The following SEL1L3 variants were observed in gnomAD, a reference collection of about 807,000 sequenced individuals.
The protein encoded by SEL1L3 is protein sel-1 homolog 3.
In SEL1L3, 76 loss-of-function variants were observed where a neutral mutation model predicts 142.8. That is an observed-to-expected ratio of 0.53 (90% CI 0.44 to 0.64). The LOEUF (loss-of-function observed/expected upper bound fraction) is 0.64, where lower values mean the gene tolerates loss of function less well. Among genes scored for constraint, SEL1L3 ranks in the 30% least tolerant of loss-of-function variants. SEL1L3 has a pLI of 0.00. For synonymous variants in SEL1L3, 504 were observed against 519.6 expected (o/e 0.97, Z 0.41); for missense variants, 1,262 against 1,381.7 (o/e 0.91, Z 1.37).
At chr4:25,861,721 A>G (rs1319565963) in intron 1 of SEL1L3, 1 of 149,822 alleles carries the variant, frequency 6.7e-6, no homozygotes, top group Admixed American at 6.7e-5. Flanking sequence ...ACAGTAATAT[A>G]TGGCGAGATA....
chr4:25,811,151 A>C (rs1037659678), intron 9 of SEL1L3, among the ~76,000 whole-genome samples: 3 of 152,174 alleles, frequency 2.0e-5, no homozygotes, highest in Non-Finnish European at 4.4e-5. Flanking sequence ...TTGGGTTTAC[A>C]GGTACCTCGT....
At chr4:25,716,563 A>G in the SEL1L3 span, among the ~76,000 whole-genome samples, 2 of 152,214 alleles carry the variant, frequency 1.3e-5, no homozygotes, top group Non-Finnish European at 2.9e-5. Context: ...ATCCATTGAT[A>G]TATTATTTGT....
chr4:25,733,733 G>A, the SEL1L3 span, among the ~76,000 whole-genome samples: 6 of 151,766 alleles, frequency 4.0e-5, no homozygotes, highest in Non-Finnish European at 7.4e-5. Context: ...GACTGGTCTC[G>A]AACTCCTGAC....
At chr4:25,784,607 G>T (rs1353360257) in intron 13 of SEL1L3, among the ~76,000 whole-genome samples, 1 of 152,158 alleles carries the variant, frequency 6.6e-6, no homozygotes, top group Non-Finnish European at 1.5e-5. Flanking sequence ...GGTCATCCTG[G>T]ATGCTTTCCT....
intron 1 of SEL1L3, among the ~76,000 whole-genome samples, chr4:25,859,909 TG>T (rs1174309291): frequency 1.3e-5 from 2 of 152,248 alleles, no homozygotes; most frequent in Non-Finnish European, 2.9e-5. Flanking sequence ...CCTCACATCC[TG>T]GCCAATTGCA....
chr4:25,747,003 A>G (rs2109103082), downstream of SEL1L3, among the ~76,000 whole-genome samples: 1 of 152,294 alleles, frequency 6.6e-6, no homozygotes, highest in South Asian at 2.1e-4. Context: ...TCACTCACCT[A>G]AGATTACTGA....
chr4:25,862,470 A>G (rs1426812354), intron 1 of SEL1L3, among the ~76,000 whole-genome samples: 2 of 152,138 alleles, frequency 1.3e-5, no homozygotes, highest in East Asian at 3.9e-4. Context: ...GCGAGAGAGC[A>G]GCTTGGCAAG....
chr4:25,753,051 A>C (rs948623924), intron 23 of SEL1L3, among the ~76,000 whole-genome samples: 2 of 152,248 alleles, frequency 1.3e-5, no homozygotes, highest in Non-Finnish European at 2.9e-5. Context: ...CCTTTGCCCA[A>C]GGTCACATAG....
chr4:25,786,037 G>A (rs1386276006), intron 13 of SEL1L3, among the ~76,000 whole-genome samples: 3 of 152,130 alleles, frequency 2.0e-5, no homozygotes, highest in Non-Finnish European at 2.9e-5. Flanking sequence ...TTAAATGAGA[G>A]AAATGTGAAG....
At chr4:25,731,022 C>T in the SEL1L3 span, among the ~76,000 whole-genome samples, 1 of 152,172 alleles carries the variant, frequency 6.6e-6, no homozygotes, top group African/African-American at 2.4e-5. Flanking sequence ...CAGAGCGAGA[C>T]TCTGTCTCAA....
In SEL1L3 at chr4:25,777,678, A is replaced by C. The variant is rs895873759; in HGVS notation, c.2586-1318T>G. ...CAGTGAAATTAAGCTAGAAATCATTAACAAGAGGATAACAGAAAATCCACA... is the reference window on the plus strand; with the variant it reads ...CAGTGAAATTAAGCTAGAAATCATTCACAAGAGGATAACAGAAAATCCACA... On this transcript the variant is annotated intron_variant, in intron 16 of 23. Transcript: ENST00000399878. 2.4e-5 allele frequency: 9 copies of C among 375,072 alleles called. No individual in the cohort carries two copies. In the Admixed American group the frequency reaches 3.0e-4, roughly 13 times the overall value. 23.2% of individuals were successfully genotyped at this position (375,072 alleles called of 1,614,324 possible).
At chr4:25,811,973 T>G (rs16877608) in intron 9 of SEL1L3, among the ~76,000 whole-genome samples, 2,076 of 152,338 alleles carry the variant, frequency 0.014, 54 homozygotes, top group African/African-American at 0.047. Flanking sequence ...AGAGCTCATC[T>G]TACTCTGCCT....
chr4:25,833,500 A>G lies in SEL1L3; in HGVS notation c.930T>C (p.Phe310=), dbSNP rs749362459. The G allele has an allele frequency of 3.1e-6, 5 of 1,612,980 alleles. No individual in the cohort carries two copies. In the South Asian group the frequency reaches 5.5e-5, roughly 18 times the overall value. The part of the protein sequence containing the change: ...CKANLCGILY[F]VDSNEMYGTP... Reference sequence around the variant, plus strand: ...TGCCGTACATCTCATTAGAGTCAACAAAGTACAGAATCCCACAGAGGTTGG... The same window carrying G: ...TGCCGTACATCTCATTAGAGTCAACGAAGTACAGAATCCCACAGAGGTTGG... The change falls in exon 4 of 24, where the codon TTT becomes TTC. Residue 310 remains phenylalanine (F), a synonymous_variant. Transcript: ENST00000399878.
chr4:25,773,983 A>G (rs996985716), intron 17 of SEL1L3, among the ~76,000 whole-genome samples: 3 of 152,172 alleles, frequency 2.0e-5, no homozygotes, highest in African/African-American at 7.2e-5. Flanking sequence ...AGTGATCTTT[A>G]CATACTGCTC....
chr4:25,755,820 T>C (rs750942656), intron 23 of SEL1L3: 7 of 953,428 alleles, frequency 7.3e-6, no homozygotes, highest in Non-Finnish European at 8.7e-6. Flanking sequence ...ACTGCATTTG[T>C]AATAATCATC....
At chr4:25,757,486 G>GGT in intron 23 of SEL1L3, 48 bp downstream of exon 23, 3 of 979,206 alleles carry the variant, frequency 3.1e-6, no homozygotes, top group Non-Finnish European at 4.2e-6. Context: ...AAAAATCCCT[G>GGT]CTTTTTTTTT....
In SEL1L3 at chr4:25,802,487, G is replaced by A. The variant is rs113281674; in HGVS notation, c.1777-25C>T. 1.2e-4 allele frequency: 187 copies of A among 1,593,670 alleles called. 2 individuals are homozygous for A. In the Admixed American group the frequency reaches 1.4e-3, roughly 12 times the overall value. ...CCTGTTAGGAAGAAATTGACAAAGC[G>A]TTCATGAGATTGTAGATAGGGTCAT... On this transcript the variant is annotated intron_variant, in intron 10 of 23. Coordinates refer to ENST00000399878, the MANE Select transcript of SEL1L3 (RefSeq NM_015187.5).
intron 9 of SEL1L3, among the ~76,000 whole-genome samples, chr4:25,808,209 A>T (rs188817808): frequency 3.9e-4 from 60 of 152,254 alleles, no homozygotes; most frequent in African/African-American, 1.4e-3. Context: ...TTGTTTATGG[A>T]GATTAATGGT....
rs1478112946 is a variant in SEL1L3 at position 25,776,374 on chromosome 4, G to C, written c.2586-14C>G. On this transcript the variant is annotated splice_polypyrimidine_tract_variant and intron_variant, in intron 16 of 23. Coordinates refer to ENST00000399878, the MANE Select transcript of SEL1L3 (RefSeq NM_015187.5). ...TGTTTTGCCCATCTGAAAAAAAAAA[G>C]GGAAGAGAAAATACGCAAACCATGG... 1 of 1,541,064 alleles carries C rather than the reference G, an allele frequency of 6.5e-7. No individual in the cohort carries two copies. Among genetic ancestry groups the C allele is most frequent in the East Asian group, 2.3e-5 (1 of 44,236 alleles).
Sources: allele counts gnomAD v4.1 joint callset (sites outside exome capture counted in the v4.1 genomes callset), GRCh38; gene constraint gnomAD v4.1.1; transcripts MANE v1.5; gene names NCBI Gene and HGNC (gene_info 2026-07-23, HGNC 2026-07-21).